Variants in SNTG1 observed in about 807,000 individuals in gnomAD.
SNTG1 encodes the protein syntrophin gamma 1.
In SNTG1, 39 loss-of-function variants were observed where a neutral mutation model predicts 74.7. The ratio of observed to expected loss-of-function variants is 0.52; its 90% CI spans 0.40 to 0.68. SNTG1 has a LOEUF of 0.68. Ranked by LOEUF, SNTG1 falls within the 30% of genes least tolerant of loss-of-function variation. SNTG1 has a pLI of 0.00. For synonymous variants in SNTG1, 254 were observed against 217.1 expected (o/e 1.17, Z -1.49); for missense variants, 685 against 609.5 (o/e 1.12, Z -1.30).
intron 18 of SNTG1, among the ~76,000 whole-genome samples, chr8:50,757,575 G>A (rs2095583612): frequency 6.6e-6 from 1 of 151,800 alleles, no homozygotes; most frequent in South Asian, 2.1e-4. Context: ...AACATTGAAA[G>A]TGGATTTCTT....
intron 2 of SNTG1, among the ~76,000 whole-genome samples, chr8:50,184,251 C>T (rs191929325): frequency 1.9e-4 from 28 of 150,792 alleles, no homozygotes; most frequent in African/African-American, 6.1e-4. Context: ...CTGCAACCTC[C>T]GCTGCCCAGA....
At chr8:49,984,943 T>C (rs941864706) in intron 1 of SNTG1, among the ~76,000 whole-genome samples, 1 of 152,166 alleles carries the variant, frequency 6.6e-6, no homozygotes, top group African/African-American at 2.4e-5. Context: ...AGTATGTTTT[T>C]TTTACCTCTG....
intron 1 of SNTG1, among the ~76,000 whole-genome samples, chr8:49,939,805 G>C (rs1808517980): frequency 6.6e-6 from 1 of 152,078 alleles, no homozygotes; most frequent in Non-Finnish European, 1.5e-5. Context: ...AAAGCATTGG[G>C]TTTCAGAAGT....
chr8:50,785,448 C>T (rs1335451465), intron 18 of SNTG1, among the ~76,000 whole-genome samples: 2 of 151,870 alleles, frequency 1.3e-5, no homozygotes, highest in Admixed American at 6.6e-5. Flanking sequence ...GAGAACAACA[C>T]CAACTAATGA....
chr8:50,469,102 T>G (rs13249006), intron 8 of SNTG1, among the ~76,000 whole-genome samples: 152,218 of 152,220 alleles, frequency 1, 76,108 homozygotes, highest in Non-Finnish European at 1. Flanking sequence ...TGCTTGTGTG[T>G]ATCTGAGCTT....
chr8:50,195,892 GTT>G (rs2083751031), intron 2 of SNTG1, among the ~76,000 whole-genome samples: 1 of 152,098 alleles, frequency 6.6e-6, no homozygotes, highest in African/African-American at 2.4e-5. Flanking sequence ...CACAATGAGA[GTT>G]TGCGCAAGCT....
chr8:50,319,369 T>A (rs1255223070), intron 2 of SNTG1, among the ~76,000 whole-genome samples: 1 of 151,802 alleles, frequency 6.6e-6, no homozygotes, highest in East Asian at 1.9e-4. Flanking sequence ...TTCTCAAAAA[T>A]AAATAAATAA....
chr8:50,507,165 T>A (rs1295148759), intron 9 of SNTG1, among the ~76,000 whole-genome samples: 1 of 152,076 alleles, frequency 6.6e-6, no homozygotes, highest in Non-Finnish European at 1.5e-5. Context: ...CATCCTTGCA[T>A]TTCAGGAATA....
At chr8:50,344,008 TGACA>T (rs1386660112) in intron 2 of SNTG1, among the ~76,000 whole-genome samples, 2 of 152,306 alleles carry the variant, frequency 1.3e-5, no homozygotes, top group East Asian at 3.9e-4. Context: ...TTCTCTTTAC[TGACA>T]GACTGTCACA....
chr8:50,571,618 C>T (rs2094549475), intron 12 of SNTG1, among the ~76,000 whole-genome samples: 1 of 152,174 alleles, frequency 6.6e-6, no homozygotes, highest in Non-Finnish European at 1.5e-5. Flanking sequence ...CCCTAAGTTC[C>T]TTAGGCTCAA....
chr8:50,398,973 A>G (rs1317927629), intron 3 of SNTG1, among the ~76,000 whole-genome samples: 2 of 152,176 alleles, frequency 1.3e-5, no homozygotes, highest in Non-Finnish European at 2.9e-5. Flanking sequence ...AGTTACGAAT[A>G]CTATGAGGCC....
intron 2 of SNTG1, among the ~76,000 whole-genome samples, chr8:50,369,379 A>G (rs2092209957): frequency 2.0e-5 from 3 of 152,240 alleles, no homozygotes; most frequent in Admixed American, 6.5e-5. Flanking sequence ...GGTGGATCAC[A>G]TGAGGTTGAG....
At chr8:50,184,819 A>G (rs1021640366) in intron 2 of SNTG1, among the ~76,000 whole-genome samples, 10 of 152,204 alleles carry the variant, frequency 6.6e-5, no homozygotes, top group African/African-American at 2.2e-4. Flanking sequence ...GAGGAAAAAA[A>G]ATTAAAATGT....
intron 15 of SNTG1, among the ~76,000 whole-genome samples, chr8:50,695,784 G>A (rs1265726110): frequency 6.6e-6 from 1 of 151,386 alleles, no homozygotes; most frequent in Admixed American, 6.6e-5. Flanking sequence ...CATCAATATT[G>A]CTGCAAAAGA....
chr8:50,014,892 A>T (rs575147398), intron 1 of SNTG1, among the ~76,000 whole-genome samples: 1 of 152,098 alleles, frequency 6.6e-6, no homozygotes, highest in Admixed American at 6.6e-5. Flanking sequence ...ATATAAAAGA[A>T]AAAACAGCTA....
intron 9 of SNTG1, among the ~76,000 whole-genome samples, chr8:50,513,582 G>T (rs569365111): frequency 1.5e-4 from 23 of 152,324 alleles, no homozygotes; most frequent in African/African-American, 5.5e-4. Flanking sequence ...AGCTTCCTGG[G>T]TGCTTTGTCT....
At chr8:50,777,829 T>C (rs752124528) in intron 18 of SNTG1, among the ~76,000 whole-genome samples, 13 of 152,198 alleles carry the variant, frequency 8.5e-5, no homozygotes, top group East Asian at 5.8e-4. Flanking sequence ...ATTAGGTATA[T>C]CTCCTAAAGC....
intron 2 of SNTG1, among the ~76,000 whole-genome samples, chr8:50,241,101 C>T (rs891382289): frequency 6.6e-6 from 1 of 152,180 alleles, no homozygotes; most frequent in African/African-American, 2.4e-5. Context: ...AATTTCCTCT[C>T]AGTCTGGGTT....
intron 15 of SNTG1, among the ~76,000 whole-genome samples, chr8:50,673,802 C>A (rs1011224718): frequency 3.3e-5 from 5 of 151,764 alleles, no homozygotes; most frequent in Admixed American, 2.6e-4. Context: ...AATATTATAT[C>A]TGTTGTGGGT....
Sources: gnomAD v4.1 joint callset for allele counts (sites outside exome capture counted in the v4.1 genomes callset) on GRCh38, gnomAD v4.1.1 for gene constraint, MANE v1.5 for transcripts, NCBI Gene and HGNC (gene_info 2026-07-23, HGNC 2026-07-21) for gene names.